The following ARHGEF26 variants were observed in gnomAD, a reference collection of about 807,000 sequenced individuals.
ARHGEF26 encodes Rho guanine nucleotide exchange factor (GEF) 26.
Under a neutral mutation model 89.4 loss-of-function variants are expected in ARHGEF26, and 59 were observed. The observed-to-expected ratio is 0.66, with a 90% CI of 0.54 to 0.82. ARHGEF26 has a LOEUF of 0.82. Among genes scored for constraint, ARHGEF26 ranks in the 40% least tolerant of loss-of-function variants. The probability of loss-of-function intolerance (pLI) is 0.00; values close to 1 mark genes in which losing one functional copy is unlikely to be tolerated. For missense variants in ARHGEF26, 1,234 were observed against 1,085.6 expected, an observed-to-expected ratio of 1.14 and a Z score of -1.92; for synonymous variants, 500 against 428.4, an observed-to-expected ratio of 1.17 and a Z score of -2.06.
At chr3:154,248,940 T>C (rs1717952570) in intron 12 of ARHGEF26, among the ~76,000 whole-genome samples, 2 of 152,162 alleles carry the variant, frequency 1.3e-5, no homozygotes, top group African/African-American at 2.4e-5. Flanking sequence ...TCTAGTTGAA[T>C]TGAGTTTGTG....
At chr3:154,204,939 G>A (rs1714919767) in intron 9 of ARHGEF26, among the ~76,000 whole-genome samples, 1 of 152,076 alleles carries the variant, frequency 6.6e-6, no homozygotes, top group African/African-American at 2.4e-5. Flanking sequence ...ACCTAAATAT[G>A]GACAGTTATT....
At chr3:154,187,887 TA>T in intron 7 of ARHGEF26, 50 bp downstream of exon 7, 2 of 1,483,108 alleles carry the variant, frequency 1.3e-6, no homozygotes. Flanking sequence ...TAGTTTTAAT[TA>T]GGCTACATTG....
chr3:154,189,235 C>T (rs774948020), intron 7 of ARHGEF26, among the ~76,000 whole-genome samples: 1 of 151,894 alleles, frequency 6.6e-6, no homozygotes, highest in Non-Finnish European at 1.5e-5. Flanking sequence ...CATCATGTGA[C>T]TCTTAAAGGT....
At chr3:154,125,725 T>C (rs1032995862) in intron 3 of ARHGEF26, among the ~76,000 whole-genome samples, 2 of 152,192 alleles carry the variant, frequency 1.3e-5, no homozygotes, top group Non-Finnish European at 2.9e-5. Context: ...TTTCCTTTTA[T>C]AAGGAGCTGT....
chr3:154,177,800 A>G (rs917809858), intron 6 of ARHGEF26, among the ~76,000 whole-genome samples: 17 of 152,298 alleles, frequency 1.1e-4, no homozygotes, highest in African/African-American at 4.1e-4. Flanking sequence ...AACACATACA[A>G]AATCCACTAT....
chr3:154,183,681 A>G (rs1169969105), intron 6 of ARHGEF26, among the ~76,000 whole-genome samples: 1 of 152,232 alleles, frequency 6.6e-6, no homozygotes, highest in African/African-American at 2.4e-5. Flanking sequence ...TAATTATGTC[A>G]ATGTAAAAAT....
At chr3:154,121,024 C>G (rs1576667691), upstream of ARHGEF26, 1 of 152,208 alleles carries the variant, frequency 6.6e-6, no homozygotes, top group Admixed American at 6.5e-5. Flanking sequence ...CTACTGCCCA[C>G]GCATCTCACA....
chr3:154,199,708 A>C (rs890976412), intron 9 of ARHGEF26, among the ~76,000 whole-genome samples: 1 of 152,140 alleles, frequency 6.6e-6, no homozygotes, highest in East Asian at 1.9e-4. Context: ...TCTTTTCTCC[A>C]CATCCTTGCC....
chr3:154,240,004 C>T (rs990086237), intron 11 of ARHGEF26, among the ~76,000 whole-genome samples: 6 of 152,078 alleles, frequency 3.9e-5, no homozygotes, highest in African/African-American at 1.2e-4. Context: ...GAGTAGAAGG[C>T]TCCTCCTTCA....
chr3:154,206,940 A>T (rs1043545309), intron 9 of ARHGEF26, among the ~76,000 whole-genome samples: 2 of 152,094 alleles, frequency 1.3e-5, no homozygotes, highest in Admixed American at 6.6e-5. Flanking sequence ...ATAGATAGAG[A>T]AACCAAAAAT....
chr3:154,182,649 T>A (rs961230354), intron 6 of ARHGEF26, among the ~76,000 whole-genome samples: 5 of 152,242 alleles, frequency 3.3e-5, no homozygotes, highest in African/African-American at 1.2e-4. Flanking sequence ...CAGTTCCAGC[T>A]GCTACTCTTC....
chr3:154,197,921 C>T (rs1714386762), intron 9 of ARHGEF26, among the ~76,000 whole-genome samples: 1 of 152,068 alleles, frequency 6.6e-6, no homozygotes, highest in Non-Finnish European at 1.5e-5. Context: ...CCTGTTATTT[C>T]CTTCTGTTTA....
At chr3:154,173,916 TA>T (rs11316418) in intron 6 of ARHGEF26, among the ~76,000 whole-genome samples, 78,181 of 151,868 alleles carry the variant, frequency 0.51, 20,326 homozygotes, top group Non-Finnish European at 0.55. Context: ...GGGTGAAAAT[TA>T]GCATCTTCTC....
At position 154,121,480 on chromosome 3, in the gene ARHGEF26, G is replaced by A. The variant is rs1480245812; in HGVS notation, c.-91G>A. On this transcript the variant is annotated 5_prime_UTR_variant, in exon 1 of 15. It adds an upstream start codon to the 5' untranslated region. Transcript: ENST00000465093. ...CCGGACCCGGGCCACCCACGGGGTA[G>A]TGGGTGCTCCTCGGCCCCGGACATT... is the stretch of plus-strand genomic sequence containing the variant. The A allele has an allele frequency of 6.5e-6, 1 of 153,196 alleles. No homozygotes were observed. Among genetic ancestry groups the A allele is most frequent in the Non-Finnish European group, 1.5e-5 (1 of 68,772 alleles). 9.5% of individuals were successfully genotyped at this position (153,196 alleles called of 1,614,324 possible).
intron 12 of ARHGEF26, among the ~76,000 whole-genome samples, chr3:154,242,102 C>T (rs1717511548): frequency 6.6e-6 from 1 of 152,110 alleles, no homozygotes; most frequent in Admixed American, 6.5e-5. Flanking sequence ...ATTTCACAGG[C>T]TAGAGAAAAA....
intron 10 of ARHGEF26, 102 bp from the exon 11 acceptor site, chr3:154,225,754 G>C: frequency 7.9e-7 from 1 of 1,263,672 alleles, no homozygotes; most frequent in Non-Finnish European, 1.1e-6. Context: ...TGCATACTAT[G>C]ATAAGTATCA....
intron 9 of ARHGEF26, among the ~76,000 whole-genome samples, chr3:154,215,707 T>A (rs1237768168): frequency 6.6e-6 from 1 of 152,116 alleles, no homozygotes; most frequent in Non-Finnish European, 1.5e-5. Flanking sequence ...TCTCCCTATG[T>A]CCTCACATGG....
chr3:154,257,618 A>G lies in ARHGEF26; in HGVS notation c.*2145A>G, dbSNP rs1006396248. On this transcript the variant is annotated 3_prime_UTR_variant, in exon 15 of 15. Coordinates refer to ENST00000465093, the MANE Select transcript of ARHGEF26 (RefSeq NM_015595.4). ...GTTAAAGTGTTGTTATATGGCAAGT[A>G]TTTAACACATTCACAGTGTTTGTTT... is the stretch of plus-strand genomic sequence containing the variant. The G allele has an allele frequency of 1.3e-5, 2 of 151,624 alleles. No individual in the cohort carries two copies. Among genetic ancestry groups the G allele is most frequent in the African/African-American group, 4.9e-5 (2 of 41,072 alleles). 9.4% of individuals were successfully genotyped at this position (151,624 alleles called of 1,614,324 possible).
intron 11 of ARHGEF26, among the ~76,000 whole-genome samples, chr3:154,238,059 A>G (rs367546961): frequency 4.2e-4 from 64 of 152,308 alleles, no homozygotes; most frequent in African/African-American, 1.5e-3. Context: ...ATGCTGTTCA[A>G]TGCATGTCTG....
Sources: allele counts gnomAD v4.1 joint callset (sites outside exome capture counted in the v4.1 genomes callset), GRCh38; gene constraint gnomAD v4.1.1; transcripts MANE v1.5; gene names NCBI Gene and HGNC (gene_info 2026-07-23, HGNC 2026-07-21).